TLN2: variants seen among roughly 807,000 people sequenced by gnomAD.
The protein encoded by TLN2 is talin-2.
TLN2 carries 118 observed loss-of-function variants against 294.7 expected under a neutral mutation model. The observed-to-expected ratio is 0.40, with a 90% CI of 0.34 to 0.47. The LOEUF (loss-of-function observed/expected upper bound fraction) is 0.47, where lower values mean the gene tolerates loss of function less well. Among genes scored for constraint, TLN2 ranks in the 20% least tolerant of loss-of-function variants. The pLI, the probability that TLN2 is intolerant of heterozygous loss-of-function variation, is 0.84. For synonymous variants in TLN2, 1,431 were observed against 1,304.5 expected, an observed-to-expected ratio of 1.10 and a Z score of -2.09; for missense variants, 3,083 against 3,282.2, an observed-to-expected ratio of 0.94 and a Z score of 1.48.
At chr15:62,542,316 A>T (rs1426979041) in intron 1 of TLN2, among the ~76,000 whole-genome samples, 12 of 151,784 alleles carry the variant, frequency 7.9e-5, no homozygotes, top group Admixed American at 7.9e-4. Flanking sequence ...CTCAGCCTCC[A>T]GAGTAGCTGG....
intron 1 of TLN2, among the ~76,000 whole-genome samples, chr15:62,544,227 G>C (rs932780615): frequency 1.3e-5 from 2 of 152,088 alleles, no homozygotes; most frequent in African/African-American, 4.8e-5. Flanking sequence ...ATTGTGGAAG[G>C]TTCTTCCCTG....
chr15:62,714,622 A>G lies in TLN2; in HGVS notation c.2635-1709A>G, dbSNP rs111812587. 2.0e-5 allele frequency among the ~76,000 whole-genome samples: 3 copies of G among 152,326 alleles called. 1 individual carries two copies. The highest frequency in any genetic ancestry group is 7.2e-5 in the African/African-American group (3 of 41,570). On this transcript the variant is annotated intron_variant, in intron 22 of 58. Coordinates refer to ENST00000636159, the MANE Select transcript of TLN2 (RefSeq NM_015059.3). Reference sequence around the variant, plus strand: ...GGTTATTTATATTAAATGAGACAACATTAAGTGTTTCTGTAAATTCTTTTA... The same window carrying G: ...GGTTATTTATATTAAATGAGACAACGTTAAGTGTTTCTGTAAATTCTTTTA...
At chr15:62,505,514 C>T (rs549754932) in intron 1 of TLN2, among the ~76,000 whole-genome samples, 1 of 152,340 alleles carries the variant, frequency 6.6e-6, no homozygotes, top group South Asian at 2.1e-4. Flanking sequence ...TTTCTGCCCA[C>T]TGGAGCCCAC....
intron 1 of TLN2, among the ~76,000 whole-genome samples, chr15:62,569,817 T>A (rs1464252405): frequency 6.6e-6 from 1 of 152,234 alleles, no homozygotes; most frequent in Non-Finnish European, 1.5e-5. Context: ...ATGCAGACAG[T>A]TTAATTCAAA....
In TLN2 at chr15:62,715,228, G is replaced by GCTCA. The variant is rs1297323477; in HGVS notation, c.2635-1103_2635-1102insCTCA. Among the ~76,000 whole-genome samples, 19 of 152,284 alleles carry GCTCA rather than the reference G, an allele frequency of 1.2e-4. No individual in the cohort carries two copies. In the South Asian group the frequency reaches 3.5e-3, roughly 28 times the overall value. ...CTTTTATAAATAGCTCAAAGAAATA[G>GCTCA]GTTCTTATAAATTGGTAAGTTTAGC... is the stretch of plus-strand genomic sequence containing the variant. On this transcript the variant is annotated intron_variant, in intron 22 of 58. Transcript: ENST00000636159.
At chr15:62,837,221 C>A (rs1048712335) in intron 57 of TLN2, among the ~76,000 whole-genome samples, 3 of 152,156 alleles carry the variant, frequency 2.0e-5, no homozygotes, top group Non-Finnish European at 2.9e-5. Flanking sequence ...CTGACCCACA[C>A]CTCCCTCACC....
At chr15:62,578,558 T>A (rs1471399437) in intron 1 of TLN2, among the ~76,000 whole-genome samples, 4 of 151,960 alleles carry the variant, frequency 2.6e-5, no homozygotes, top group African/African-American at 9.7e-5. Flanking sequence ...AGAACAAGAC[T>A]CCGTCTCAAA....
chr15:62,512,626 A>C (rs1447209756), intron 1 of TLN2, among the ~76,000 whole-genome samples: 1 of 152,128 alleles, frequency 6.6e-6, no homozygotes, highest in Non-Finnish European at 1.5e-5. Context: ...ATGGTATTTG[A>C]GGTTCTGTAA....
rs1363635934 is a variant in TLN2, at chr15:62,715,229, G to A, written c.2635-1102G>A. ...TTTTATAAATAGCTCAAAGAAATAG[G>A]TTCTTATAAATTGGTAAGTTTAGCA... On this transcript the variant is annotated intron_variant, in intron 22 of 58. Transcript: ENST00000636159. Among the ~76,000 whole-genome samples, 19 of 152,282 alleles carry A rather than the reference G, an allele frequency of 1.2e-4. No homozygotes were observed. In the South Asian group the frequency reaches 3.5e-3, roughly 28 times the overall value.
chr15:62,420,794 C>A (rs1246806838), intron 1 of TLN2, among the ~76,000 whole-genome samples: 1 of 152,140 alleles, frequency 6.6e-6, no homozygotes, highest in Non-Finnish European at 1.5e-5. Flanking sequence ...TACTGTGGGT[C>A]TGAAGAAACT....
chr15:62,608,497 A>G (rs1255991743), intron 2 of TLN2, among the ~76,000 whole-genome samples: 1 of 152,136 alleles, frequency 6.6e-6, no homozygotes, highest in East Asian at 1.9e-4. Context: ...AGATGATGGG[A>G]TGGCAGTGTC....
chr15:62,588,240 A>G (rs1051190610), intron 1 of TLN2, among the ~76,000 whole-genome samples: 2 of 152,104 alleles, frequency 1.3e-5, no homozygotes, highest in East Asian at 1.9e-4. Context: ...TCTTGCTGTT[A>G]TATTTTTTAA....
chr15:62,487,702 G>C (rs1484832016), intron 1 of TLN2, among the ~76,000 whole-genome samples: 1 of 151,800 alleles, frequency 6.6e-6, no homozygotes, highest in Non-Finnish European at 1.5e-5. Context: ...GGAGGCTGAG[G>C]CAGGTGGATC....
chr15:62,620,866 G>A (rs1430588841), intron 3 of TLN2, among the ~76,000 whole-genome samples: 1 of 119,920 alleles, frequency 8.3e-6, no homozygotes, highest in Non-Finnish European at 1.6e-5. Flanking sequence ...TTTCTGAGAC[G>A]GAGTCTCTGT....
intron 1 of TLN2, among the ~76,000 whole-genome samples, chr15:62,455,896 A>C (rs1211041312): frequency 6.6e-6 from 1 of 152,040 alleles, no homozygotes; most frequent in African/African-American, 2.4e-5. Context: ...TGAGCTTTAC[A>C]TCTTGGCCAG....
At chr15:62,550,725 A>G (rs779079161) in intron 1 of TLN2, among the ~76,000 whole-genome samples, 2 of 152,154 alleles carry the variant, frequency 1.3e-5, no homozygotes, top group Non-Finnish European at 2.9e-5. Flanking sequence ...GGTAACCACA[A>G]GAATCTCCTC....
chr15:62,493,179 A>G (rs899665891), intron 1 of TLN2, among the ~76,000 whole-genome samples: 1 of 152,212 alleles, frequency 6.6e-6, no homozygotes, highest in African/African-American at 2.4e-5. Flanking sequence ...TTCACTGGAA[A>G]CTGGGCAAGT....
chr15:62,486,905 G>A (rs1183012415), intron 1 of TLN2, among the ~76,000 whole-genome samples: 1 of 151,376 alleles, frequency 6.6e-6, no homozygotes, highest in Admixed American at 6.6e-5. Flanking sequence ...AAGGGCTAAT[G>A]TTCACAGAGA....
intron 1 of TLN2, among the ~76,000 whole-genome samples, chr15:62,432,252 G>C (rs1053704402): frequency 1.3e-5 from 2 of 152,124 alleles, no homozygotes; most frequent in Non-Finnish European, 2.9e-5. Flanking sequence ...GACCATTTTA[G>C]TCTGTTTCAT....
Sources: gnomAD v4.1 joint callset for allele counts (sites outside exome capture counted in the v4.1 genomes callset) on GRCh38, gnomAD v4.1.1 for gene constraint, MANE v1.5 for transcripts, NCBI Gene and HGNC (gene_info 2026-07-23, HGNC 2026-07-21) for gene names.